The following AGPAT3 variants were observed in gnomAD, a reference collection of about 807,000 sequenced individuals.
AGPAT3 encodes 1-acyl-sn-glycerol-3-phosphate acyltransferase gamma.
AGPAT3 carries 5 observed loss-of-function variants against 47.3 expected under a neutral mutation model. The observed-to-expected ratio is 0.11, with a 90% CI of 0.06 to 0.22. AGPAT3 has a LOEUF of 0.22. Ranked by LOEUF, AGPAT3 falls within the 10% of genes least tolerant of loss-of-function variation. The pLI, the probability that AGPAT3 is intolerant of heterozygous loss-of-function variation, is 1.00. For synonymous variants in AGPAT3, 212 were observed against 208.3 expected, an observed-to-expected ratio of 1.02 and a Z score of -0.15; for missense variants, 315 against 493.0, an observed-to-expected ratio of 0.64 and a Z score of 3.42.
In AGPAT3 at chr21:43,929,538, A is replaced by G. The variant is rs530428010; in HGVS notation, c.-49+25519A>G. Among the ~76,000 whole-genome samples the G allele has an allele frequency of 8.5e-5, 13 of 152,336 alleles. No individual in the cohort carries two copies. In the East Asian group the frequency reaches 1.7e-3, roughly 20 times the overall value. ...AGGGCAAGTGGGATTGGCACACAGAACAAGACGGTGCCGCCTGCTGGCCAC... is the reference window on the plus strand; with the variant it reads ...AGGGCAAGTGGGATTGGCACACAGAGCAAGACGGTGCCGCCTGCTGGCCAC... On this transcript the variant is annotated intron_variant, in intron 2 of 9. Transcript: ENST00000291572.
chr21:43,886,688 A>T lies in AGPAT3; in HGVS notation c.-111-17269A>T, dbSNP rs532581558. Among the ~76,000 whole-genome samples, 13 of 152,312 alleles carry T rather than the reference A, an allele frequency of 8.5e-5. No homozygotes were observed. In the South Asian group the frequency reaches 2.5e-3, roughly 29 times the overall value. ...TTTTACATCCCACAAATAAGTGGGAACATGTTATGCTTGTCTTTCTGTGCC... is the reference window on the plus strand; with the variant it reads ...TTTTACATCCCACAAATAAGTGGGATCATGTTATGCTTGTCTTTCTGTGCC... On this transcript the variant is annotated intron_variant, in intron 1 of 9. Transcript: ENST00000291572.
chr21:43,887,704 G>T (rs1421232466), intron 1 of AGPAT3, among the ~76,000 whole-genome samples: 5 of 152,322 alleles, frequency 3.3e-5, no homozygotes, highest in Non-Finnish European at 7.4e-5. Flanking sequence ...ACGCAGGCTG[G>T]AGTGTAGTGG....
In AGPAT3 at chr21:43,955,916, A is replaced by G. The variant is rs1173436157; in HGVS notation, c.-48-3718A>G. Among the ~76,000 whole-genome samples, 1 of 151,476 alleles carries G rather than the reference A, an allele frequency of 6.6e-6. No homozygotes were observed. The highest frequency in any genetic ancestry group is 2.4e-5 in the African/African-American group (1 of 41,070). On this transcript the variant is annotated intron_variant, in intron 2 of 9. Transcript: ENST00000291572. This position sits in a 1 kb window ranked among gnomAD's most constrained non-coding sequence, Gnocchi z 4.1. ...ATCTGTCTCAAAAAAAAAAAAAAAA[A>G]TCAGATTCCTGTACTTTGCGCCGTA...
intron 7 of AGPAT3, among the ~76,000 whole-genome samples, chr21:43,974,144 CG>C (rs1204518762): frequency 6.6e-6 from 1 of 150,660 alleles, no homozygotes; most frequent in Non-Finnish European, 1.5e-5. Context: ...GTGTGGTGTA[CG>C]TATGTGCATT....
chr21:43,919,755 A>G (rs1382796443), intron 2 of AGPAT3: 3 of 152,242 alleles, frequency 2.0e-5, no homozygotes, highest in Non-Finnish European at 2.9e-5. Context: ...TCCCACCAGC[A>G]ATGTAGAGGT....
chr21:43,975,236 TTGG>T (rs145033108), intron 7 of AGPAT3, among the ~76,000 whole-genome samples: 35,302 of 149,904 alleles, frequency 0.24, 4,306 homozygotes, highest in Admixed American at 0.31. Flanking sequence ...TGGTAATGTT[TTGG>T]TGTGTGCTGG....
At chr21:43,913,676 C>T (rs910791669) in intron 2 of AGPAT3, among the ~76,000 whole-genome samples, 4 of 152,314 alleles carry the variant, frequency 2.6e-5, no homozygotes, top group South Asian at 2.1e-4. Context: ...TGTCCCTTGG[C>T]GGACATTTGG....
At position 43,935,751 on chromosome 21, in the gene AGPAT3, C is replaced by T. The variant is rs567856467; in HGVS notation, c.-48-23883C>T. On this transcript the variant is annotated intron_variant, in intron 2 of 9. Transcript: ENST00000291572. The stretch of plus-strand genomic sequence containing the variant: ...ATCACGAGAAAGGCAGTGACCCAGG[C>T]GTGGGGCAGGAAGGACAACCTGGCT... 5.3e-5 allele frequency among the ~76,000 whole-genome samples: 8 copies of T among 152,042 alleles called. No homozygotes were observed. The East Asian group carries it at 9.7e-4, about 18-fold the overall frequency.
intron 7 of AGPAT3, among the ~76,000 whole-genome samples, chr21:43,972,493 A>G (rs1426893170): frequency 6.6e-6 from 1 of 152,010 alleles, no homozygotes; most frequent in East Asian, 1.9e-4. Flanking sequence ...CTTCAGTGCT[A>G]TGGGGCCCCA....
At chr21:43,929,695 G>C (rs557127435) in intron 2 of AGPAT3, among the ~76,000 whole-genome samples, 1 of 152,328 alleles carries the variant, frequency 6.6e-6, no homozygotes, top group African/African-American at 2.4e-5. Flanking sequence ...TGTGGATGCT[G>C]CTCCTTACTG....
rs1358369002 is a variant in AGPAT3 at position 43,932,619 on chromosome 21, T to A, written c.-48-27015T>A. On this transcript the variant is annotated intron_variant, in intron 2 of 9. Transcript: ENST00000291572. The surrounding 1 kb of genome is among the most constrained non-coding windows in gnomAD (Gnocchi z 5.2). ...ACTGATTTCAGTTCCTTTAGATACA[T>A]ACCCAGAAGTGGGATTGCCGGACCT... is the stretch of plus-strand genomic sequence containing the variant. 6.6e-6 allele frequency among the ~76,000 whole-genome samples: 1 copy of A among 152,190 alleles called. No homozygotes were observed. Among genetic ancestry groups the A allele is most frequent in the African/African-American group, 2.4e-5 (1 of 41,444 alleles).
intron 2 of AGPAT3, among the ~76,000 whole-genome samples, chr21:43,924,017 T>A (rs1419287524): frequency 6.6e-6 from 1 of 151,560 alleles, no homozygotes; most frequent in African/African-American, 2.4e-5. Flanking sequence ...ATGTAAGGTG[T>A]TTTTTTTGGT....
chr21:43,965,010 T>A (rs368285326), intron 3 of AGPAT3: 1 of 153,734 alleles, frequency 6.5e-6, no homozygotes, highest in Non-Finnish European at 1.4e-5. Flanking sequence ...CTCACTGCAA[T>A]CTCTGCCTCC....
chr21:43,981,732 G>A lies in AGPAT3; in HGVS notation c.1042+545G>A, dbSNP rs941281276. Among the ~76,000 whole-genome samples, 1 of 151,886 alleles carries A rather than the reference G, an allele frequency of 6.6e-6. No homozygotes were observed. The highest frequency in any genetic ancestry group is 1.5e-5 in the Non-Finnish European group (1 of 67,970). The stretch of plus-strand genomic sequence containing the variant: ...CCCCGTAATTGAGGGGTCTCTGTCC[G>A]TGGAGACACAGTCCGTGTGCATCGC... On this transcript the variant is annotated intron_variant, in intron 9 of 9. Coordinates refer to ENST00000291572, the MANE Select transcript of AGPAT3 (RefSeq NM_020132.5). The surrounding 1 kb of genome is among the most constrained non-coding windows in gnomAD (Gnocchi z 5.3).
chr21:43,873,480 C>T (rs576616887), intron 1 of AGPAT3, among the ~76,000 whole-genome samples: 10 of 152,208 alleles, frequency 6.6e-5, no homozygotes, highest in Middle Eastern at 3.4e-3. Flanking sequence ...CGGGTTCAAG[C>T]GATTCTCCTG....
intron 3 of AGPAT3, among the ~76,000 whole-genome samples, chr21:43,962,003 CTTT>C (rs752287053): frequency 7.1e-6 from 1 of 141,200 alleles, no homozygotes. Context: ...TGTTTTTTCT[CTTT>C]TTTTTTTTTT....
chr21:43,907,192 G>A (rs1017576027), intron 2 of AGPAT3, among the ~76,000 whole-genome samples: 3 of 151,836 alleles, frequency 2.0e-5, no homozygotes, highest in South Asian at 2.1e-4. Context: ...GCCACCACAC[G>A]CGGCTTTTTT....
rs1294960635 is a variant in AGPAT3 at position 43,920,165 on chromosome 21, C to G, written c.-49+16146C>G. 6.6e-6 allele frequency among the ~76,000 whole-genome samples: 1 copy of G among 152,164 alleles called. No homozygotes were observed. The highest frequency in any genetic ancestry group is 1.5e-5 in the Non-Finnish European group (1 of 68,032). On this transcript the variant is annotated intron_variant, in intron 2 of 9. Coordinates refer to ENST00000291572, the MANE Select transcript of AGPAT3 (RefSeq NM_020132.5). This position sits in a 1 kb window ranked among gnomAD's most constrained non-coding sequence, Gnocchi z 6.1. ...GAGGCTGTGTCTTTTTAGTCCATTT[C>G]TTCCCCCACTGCATGCTGGGACACT...
intron 2 of AGPAT3, among the ~76,000 whole-genome samples, chr21:43,956,150 C>T (rs185041097): frequency 9.2e-5 from 14 of 152,204 alleles, no homozygotes; most frequent in African/African-American, 3.4e-4. Flanking sequence ...GCAGGGCGGC[C>T]CCCACCCTGT....
Sources: allele counts gnomAD v4.1 joint callset (sites outside exome capture counted in the v4.1 genomes callset), GRCh38; gene constraint gnomAD v4.1.1; non-coding constraint Gnocchi (gnomAD v3.1); transcripts MANE v1.5; gene names NCBI Gene and HGNC (gene_info 2026-07-23, HGNC 2026-07-21).